TPRX1: variants seen among roughly 807,000 people sequenced by gnomAD.
TPRX1 encodes the protein tetra-peptide repeat homeobox protein 1.
In TPRX1, 2 loss-of-function variants were observed where a neutral mutation model predicts 8.1. The observed-to-expected ratio is 0.25, with a 90% CI of 0.10 to 0.78. The LOEUF (loss-of-function observed/expected upper bound fraction) is 0.78. Ranked by LOEUF, TPRX1 falls within the 30% of genes least tolerant of loss-of-function variation. TPRX1 has a pLI of 0.70. For missense variants in TPRX1, 517 were observed against 586.9 expected (o/e 0.88, Z 1.23); for synonymous variants, 257 against 254.1 (o/e 1.01, Z -0.11).
intron 2 of TPRX1, among the ~76,000 whole-genome samples, chr19:47,817,628 C>T (rs114584499): frequency 0.06 from 9,132 of 152,248 alleles, 893 homozygotes; most frequent in African/African-American, 0.2. Context: ...CTCTTCACCC[C>T]CGAGTCTGCC....
chr19:47,807,014 C>T (rs1003273053), intron 2 of TPRX1, among the ~76,000 whole-genome samples: 12 of 151,968 alleles, frequency 7.9e-5, no homozygotes, highest in African/African-American at 2.9e-4. Flanking sequence ...AAGTGATACT[C>T]CTGCCTCAGT....
At chr19:47,818,578 T>G (rs1599959625) in intron 1 of TPRX1, 1 of 455,948 alleles carries the variant, frequency 2.2e-6, no homozygotes, top group Non-Finnish European at 4.4e-6. Flanking sequence ...CAGTAAGAGT[T>G]TTGCAAAAGA....
intron 2 of TPRX1, among the ~76,000 whole-genome samples, chr19:47,807,385 AT>A (rs1967745077): frequency 6.6e-6 from 1 of 151,874 alleles, no homozygotes; most frequent in Admixed American, 6.6e-5. Flanking sequence ...AATTAAATTT[AT>A]TTATGTATTT....
intron 2 of TPRX1, among the ~76,000 whole-genome samples, chr19:47,810,856 G>A (rs945339904): frequency 1.3e-5 from 2 of 151,708 alleles, no homozygotes; most frequent in Non-Finnish European, 2.9e-5. Flanking sequence ...GACAATATTG[G>A]GGCAGATCAG....
At chr19:47,815,137 TA>T (rs1967824788) in intron 2 of TPRX1, among the ~76,000 whole-genome samples, 1 of 111,730 alleles carries the variant, frequency 9.0e-6, no homozygotes. Flanking sequence ...TATATATATA[TA>T]TATATGCAAA....
At chr19:47,818,327 A>ATCCG (rs1454579420) in intron 2 of TPRX1, 6 of 306,914 alleles carry the variant, frequency 2.0e-5, no homozygotes, top group African/African-American at 7.4e-5. Context: ...CCATCCATCC[A>ATCCG]TCCATCCATC....
intron 2 of TPRX1, among the ~76,000 whole-genome samples, chr19:47,812,625 C>T (rs1967793869): frequency 6.6e-6 from 1 of 152,014 alleles, no homozygotes; most frequent in African/African-American, 2.4e-5. Context: ...GTCCCAGCTA[C>T]TTGGGAGGCT....
intron 2 of TPRX1, among the ~76,000 whole-genome samples, chr19:47,815,151 TATATA>T (rs1568617415): frequency 6.0e-4 from 49 of 81,894 alleles, no homozygotes; most frequent in African/African-American, 2.4e-3. Flanking sequence ...TATGCAAATA[TATATA>T]TATATATTTT....
At chr19:47,802,638 C>A in exon 4 of TPRX1, 2 of 1,549,090 alleles carry the variant, frequency 1.3e-6, no homozygotes, top group South Asian at 1.2e-5. Flanking sequence ...GGGATCTGAG[C>A]TGGGCCTGGA....
intron 2 of TPRX1, among the ~76,000 whole-genome samples, chr19:47,816,588 GGTGGCACAA>G (rs1568617806): frequency 6.8e-6 from 1 of 146,118 alleles, no homozygotes; most frequent in Non-Finnish European, 1.5e-5. Flanking sequence ...GCTGGAGTGC[GGTGGCACAA>G]TCTCGGCTCA....
intron 2 of TPRX1, among the ~76,000 whole-genome samples, chr19:47,816,495 G>C (rs1967841856): frequency 6.7e-6 from 1 of 149,422 alleles, no homozygotes; most frequent in African/African-American, 2.5e-5. Flanking sequence ...AGCCTCAAAT[G>C]ATCCTCCTGC....
chr19:47,816,590 T>C (rs1479789435), intron 2 of TPRX1, among the ~76,000 whole-genome samples: 2 of 139,790 alleles, frequency 1.4e-5, no homozygotes, highest in African/African-American at 2.7e-5. Context: ...TGGAGTGCGG[T>C]GGCACAATCT....
chr19:47,816,306 G>A (rs945440326), intron 2 of TPRX1, among the ~76,000 whole-genome samples: 12 of 151,960 alleles, frequency 7.9e-5, no homozygotes, highest in African/African-American at 1.9e-4. Flanking sequence ...GAGCTCAAGC[G>A]ATCCTCCCAC....
At chr19:47,818,640 A>C (rs1599959655) in intron 1 of TPRX1, 2 of 436,206 alleles carry the variant, frequency 4.6e-6, no homozygotes, top group Non-Finnish European at 9.3e-6. Flanking sequence ...TATGAGGAGC[A>C]CCCCCATCCT....
At chr19:47,804,332 G>A (rs1475691688) in intron 2 of TPRX1, among the ~76,000 whole-genome samples, 183 bp downstream of exon 1, 5 of 152,010 alleles carry the variant, frequency 3.3e-5, no homozygotes, top group Non-Finnish European at 7.4e-5. Context: ...TGGGATCACA[G>A]GCGTGAGACG....
Position 47,813,296 on chromosome 19 carries a change from C to A in TPRX1, c.151+5172G>T, listed in dbSNP as rs1967801926. ...GAGCAGTGATTCCCCGACCTGCACT[C>A]CAGCCTGGGCAACAGGGTGAGACCC... On this transcript the variant is annotated intron_variant, in intron 2 of 3. Transcript: ENST00000535759. Among the ~76,000 whole-genome samples the A allele has an allele frequency of 2.0e-5, 3 of 151,850 alleles. No homozygotes were observed. The South Asian group carries it at 6.3e-4, about 32-fold the overall frequency.
chr19:47,807,097 G>A (rs569846008), intron 2 of TPRX1, among the ~76,000 whole-genome samples: 1 of 152,170 alleles, frequency 6.6e-6, no homozygotes, highest in Non-Finnish European at 1.5e-5. Context: ...GTAGAGAATG[G>A]GTTTCACCAT....
chr19:47,812,773 T>G (rs1302930012), intron 2 of TPRX1, among the ~76,000 whole-genome samples: 1 of 150,322 alleles, frequency 6.7e-6, no homozygotes, highest in East Asian at 2.0e-4. Flanking sequence ...GGCCACAGAG[T>G]GAGACTCCAT....
At chr19:47,810,424 C>A (rs1967772603) in intron 2 of TPRX1, among the ~76,000 whole-genome samples, 1 of 140,800 alleles carries the variant, frequency 7.1e-6, no homozygotes, top group African/African-American at 2.6e-5. Flanking sequence ...TCTTGGCTCA[C>A]TGCAACCTCT....
Sources: allele counts gnomAD v4.1 joint callset (sites outside exome capture counted in the v4.1 genomes callset), GRCh38; gene constraint gnomAD v4.1.1; transcripts MANE v1.5; gene names NCBI Gene and HGNC (gene_info 2026-07-23, HGNC 2026-07-21).